CNTNAP2: variants seen among roughly 807,000 people sequenced by gnomAD.
The protein encoded by CNTNAP2 is contactin-associated protein-like 2.
Under a neutral mutation model 155.2 loss-of-function variants are expected in CNTNAP2, and 98 were observed. The ratio of observed to expected loss-of-function variants is 0.63; its 90% CI spans 0.54 to 0.75. CNTNAP2 has a LOEUF of 0.75. Ranked by LOEUF, CNTNAP2 falls within the 30% of genes least tolerant of loss-of-function variation. The pLI, the probability that CNTNAP2 is intolerant of heterozygous loss-of-function variation, is 0.00. For missense variants in CNTNAP2, 1,727 were observed against 1,688.1 expected (o/e 1.02, Z -0.40); for synonymous variants, 651 against 631.2 (o/e 1.03, Z -0.47).
chr7:147,568,904 A>G lies in CNTNAP2; in HGVS notation c.1897+6647A>G, dbSNP rs527804682. ...ACTGTCTATCCTTAAACCTAAGACA[A>G]TATTTTTCTTCATCTTCTATCCTCT... is the stretch of plus-strand genomic sequence containing the variant. On this transcript the variant is annotated intron_variant, in intron 12 of 23. Coordinates refer to ENST00000361727, the MANE Select transcript of CNTNAP2 (RefSeq NM_014141.6). Among the ~76,000 whole-genome samples, 32 of 152,284 alleles carry G rather than the reference A, an allele frequency of 2.1e-4. No homozygotes were observed. In the South Asian group the frequency reaches 6.0e-3, roughly 29 times the overall value.
At chr7:146,526,726 TA>T in intron 1 of CNTNAP2, among the ~76,000 whole-genome samples, 1 of 152,310 alleles carries the variant, frequency 6.6e-6, no homozygotes, top group Non-Finnish European at 1.5e-5. Context: ...ATCTGATAAA[TA>T]ATTCTATAGA....
chr7:147,741,433 G>C (rs543376481), intron 13 of CNTNAP2, among the ~76,000 whole-genome samples: 7 of 152,182 alleles, frequency 4.6e-5, no homozygotes, highest in East Asian at 1.9e-4. Flanking sequence ...ATTAAATTAA[G>C]AGTTATCTTC....
At chr7:148,007,908 G>C (rs28662975) in intron 15 of CNTNAP2, among the ~76,000 whole-genome samples, 16,396 of 152,010 alleles carry the variant, frequency 0.11, 1,241 homozygotes, top group East Asian at 0.24. Flanking sequence ...AATAATGTCC[G>C]CCACCAAAGA....
At chr7:147,336,877 A>G (rs1795673425) in intron 9 of CNTNAP2, among the ~76,000 whole-genome samples, 1 of 152,042 alleles carries the variant, frequency 6.6e-6, no homozygotes, top group African/African-American at 2.4e-5. Flanking sequence ...TATGATACCA[A>G]CCATGGAAAT....
At chr7:147,233,392 C>T (rs1803728333) in intron 8 of CNTNAP2, among the ~76,000 whole-genome samples, 1 of 152,094 alleles carries the variant, frequency 6.6e-6, no homozygotes, top group African/African-American at 2.4e-5. Context: ...TAAATTTAAG[C>T]CATCTTTACT....
chr7:147,713,048 T>C (rs1796425624), intron 13 of CNTNAP2, among the ~76,000 whole-genome samples: 1 of 152,146 alleles, frequency 6.6e-6, no homozygotes, highest in African/African-American at 2.4e-5. Context: ...CCGCAACCAA[T>C]TACATGCTAG....
At chr7:147,316,110 G>C (rs552196447) in intron 9 of CNTNAP2, among the ~76,000 whole-genome samples, 1 of 151,668 alleles carries the variant, frequency 6.6e-6, no homozygotes, top group East Asian at 1.9e-4. Context: ...CTTTCTCTTG[G>C]GTATATACCT....
chr7:148,084,471 G>A (rs1803679000), intron 15 of CNTNAP2, among the ~76,000 whole-genome samples: 1 of 152,106 alleles, frequency 6.6e-6, no homozygotes, highest in South Asian at 2.1e-4. Flanking sequence ...TTAGACTCTT[G>A]TGGCTCTCAG....
At chr7:147,579,900 C>A (rs1800466445) in intron 12 of CNTNAP2, among the ~76,000 whole-genome samples, 1 of 152,144 alleles carries the variant, frequency 6.6e-6, no homozygotes, top group South Asian at 2.1e-4. Flanking sequence ...TTAATAGGTA[C>A]TTTTCTCCAA....
chr7:147,419,106 C>A (rs952953253), intron 10 of CNTNAP2, among the ~76,000 whole-genome samples: 2 of 152,188 alleles, frequency 1.3e-5, no homozygotes, highest in Non-Finnish European at 2.9e-5. Context: ...AGGTTGAATC[C>A]ATAGCCACCA....
chr7:147,301,032 A>T (rs560462045), intron 9 of CNTNAP2, among the ~76,000 whole-genome samples: 17 of 152,236 alleles, frequency 1.1e-4, no homozygotes, highest in African/African-American at 3.9e-4. Context: ...ATTATTTTCA[A>T]CCTGTGGGAA....
chr7:148,392,318 C>T (rs183807137), intron 22 of CNTNAP2, among the ~76,000 whole-genome samples: 3,526 of 149,538 alleles, frequency 0.024, 56 homozygotes, highest in Non-Finnish European at 0.036. Context: ...GTGATCCGCC[C>T]GCCTCAGCCT....
chr7:146,293,538 G>C (rs1056284898), intron 1 of CNTNAP2, among the ~76,000 whole-genome samples: 8 of 152,120 alleles, frequency 5.3e-5, no homozygotes, highest in Non-Finnish European at 1.2e-4. Flanking sequence ...TTGATTGATA[G>C]TTAACATTTA....
chr7:146,338,138 CTG>C (rs1355520676), intron 1 of CNTNAP2, among the ~76,000 whole-genome samples: 2 of 152,114 alleles, frequency 1.3e-5, no homozygotes, highest in African/African-American at 2.4e-5. Flanking sequence ...CAGAGAGAAA[CTG>C]TGTTTTCTGG....
At chr7:147,536,907 T>G (rs1226403917) in intron 11 of CNTNAP2, among the ~76,000 whole-genome samples, 6 of 152,152 alleles carry the variant, frequency 3.9e-5, no homozygotes, top group Admixed American at 3.9e-4. Flanking sequence ...CCACGCCACC[T>G]CTTCTAAAGT....
At chr7:146,292,703 C>G (rs941908454) in intron 1 of CNTNAP2, among the ~76,000 whole-genome samples, 16 of 152,010 alleles carry the variant, frequency 1.1e-4, no homozygotes, top group African/African-American at 3.4e-4. Context: ...TTCAGCTTTA[C>G]AAAAGAAATG....
At chr7:146,204,872 A>G (rs1343849247) in intron 1 of CNTNAP2, among the ~76,000 whole-genome samples, 2 of 152,042 alleles carry the variant, frequency 1.3e-5, no homozygotes, top group Non-Finnish European at 2.9e-5. Context: ...AAGGAGTGCC[A>G]TATTTTCAAA....
chr7:146,861,035 A>C (rs1795088077), intron 3 of CNTNAP2, among the ~76,000 whole-genome samples: 1 of 151,598 alleles, frequency 6.6e-6, no homozygotes, highest in Non-Finnish European at 1.5e-5. Flanking sequence ...TTTCCGTTTT[A>C]ATTTATTTTC....
At chr7:147,821,630 G>A (rs1798362484) in intron 13 of CNTNAP2, among the ~76,000 whole-genome samples, 1 of 152,122 alleles carries the variant, frequency 6.6e-6, no homozygotes, top group Admixed American at 6.6e-5. Flanking sequence ...ATGCCAGGAA[G>A]GATTCAGAGA....
Sources: gnomAD v4.1 joint callset for allele counts (sites outside exome capture counted in the v4.1 genomes callset) on GRCh38, gnomAD v4.1.1 for gene constraint, MANE v1.5 for transcripts, NCBI Gene and HGNC (gene_info 2026-07-23, HGNC 2026-07-21) for gene names.